The following DDX42 variants were observed in gnomAD, a reference collection of about 807,000 sequenced individuals.
DDX42 encodes ATP-dependent RNA helicase DDX42.
DDX42 carries 22 observed loss-of-function variants against 101.5 expected under a neutral mutation model. The ratio of observed to expected loss-of-function variants is 0.22; its 90% confidence interval spans 0.15 to 0.31. The LOEUF is 0.31. Ranked by LOEUF, DDX42 falls within the 10% of genes least tolerant of loss-of-function variation. The probability of loss-of-function intolerance (pLI) is 1.00; values close to 1 mark genes in which losing one functional copy is unlikely to be tolerated. For synonymous variants in DDX42, 402 were observed against 401.2 expected (o/e 1.00, Z -0.02); for missense variants, 849 against 1,199.9 (o/e 0.71, Z 4.32).
At chr17:63,792,389 C>T (rs375339256) in intron 2 of DDX42, 23 bp from the exon 3 acceptor site, 1 of 1,605,196 alleles carries the variant, frequency 6.2e-7, no homozygotes, top group Non-Finnish European at 8.5e-7. Flanking sequence ...ATTCACTTTA[C>T]CAGTTTGCTT....
intron 1 of DDX42, among the ~76,000 whole-genome samples, chr17:63,781,838 G>A (rs1023018068): frequency 8.1e-5 from 11 of 136,272 alleles, no homozygotes; most frequent in South Asian, 6.7e-4. Context: ...GTGAAACCCC[G>A]TCTCTACTAA....
At position 63,818,934 on chromosome 17, in the gene DDX42, G is replaced by A. The variant is rs1196870144; in HGVS notation, c.*536G>A. On this transcript the variant is annotated 3_prime_UTR_variant, in exon 18 of 18. Coordinates refer to ENST00000389924, the MANE Select transcript of DDX42 (RefSeq NM_203499.3). ...GAGTTGATGCTCAGGTCCCCAGCCA[G>A]GTTTGCATCCAGCCCTGAGACATGT... is the stretch of plus-strand genomic sequence containing the variant. 6.5e-6 allele frequency: 1 copy of A among 154,880 alleles called. No homozygotes were observed. Among genetic ancestry groups the A allele is most frequent in the African/African-American group, 2.4e-5 (1 of 41,416 alleles). 9.6% of individuals were successfully genotyped at this position (154,880 alleles called of 1,614,324 possible).
chr17:63,818,317 G>A lies in DDX42; in HGVS notation c.2736G>A (p.Val912=), dbSNP rs540296784. ...TGGACAGCAGCAAGATGGACAAGGT[G>A]GACAGCAAGACAGATAAGACAGCTG... The part of the protein sequence containing the change: ...PKVDSSKMDK[V]DSKTDKTADG... The change falls in exon 18 of 18, where the codon GTG becomes GTA. Residue 912 remains valine (V), a synonymous_variant. Transcript: ENST00000389924. The A allele has an allele frequency of 1.9e-6, 3 of 1,614,126 alleles. No homozygotes were observed. Among genetic ancestry groups the A allele is most frequent in the African/African-American group, 2.7e-5 (2 of 75,050 alleles).
At chr17:63,795,583 T>A (rs1166932447) in intron 3 of DDX42, among the ~76,000 whole-genome samples, 1 of 152,206 alleles carries the variant, frequency 6.6e-6, no homozygotes, top group East Asian at 1.9e-4. Flanking sequence ...CTCTCCACCT[T>A]GGCCTCTCAG....
At chr17:63,807,975 G>A (rs2039862584) in intron 9 of DDX42, 75 bp downstream of exon 9, 2 of 1,441,518 alleles carry the variant, frequency 1.4e-6, no homozygotes, top group South Asian at 2.8e-5. Flanking sequence ...GAGGTAGAAT[G>A]ACCAGGAAAC....
At chr17:63,786,076 C>T (rs748520941) in intron 1 of DDX42, among the ~76,000 whole-genome samples, 11 of 152,178 alleles carry the variant, frequency 7.2e-5, no homozygotes, top group Non-Finnish European at 1.6e-4. Flanking sequence ...TGTTAATTAG[C>T]AGGCAAATCC....
chr17:63,792,316 A>G (rs1047910363), intron 2 of DDX42, 96 bp from the exon 3 acceptor site: 6 of 1,343,020 alleles, frequency 4.5e-6, no homozygotes, highest in African/African-American at 4.4e-5. Context: ...ACATCTCCTA[A>G]TAATAAGATA....
chr17:63,817,113 C>G (rs1020940936), intron 17 of DDX42, 147 bp downstream of exon 17: 2 of 617,162 alleles, frequency 3.2e-6, no homozygotes, highest in African/African-American at 3.7e-5. Context: ...GAATATAAAC[C>G]TAACAGTAGC....
chr17:63,795,317 A>C (rs750438501), intron 3 of DDX42, among the ~76,000 whole-genome samples: 4 of 152,138 alleles, frequency 2.6e-5, no homozygotes, highest in Non-Finnish European at 5.9e-5. Flanking sequence ...CCTTGAGGCC[A>C]CTGTTTATAG....
intron 2 of DDX42, among the ~76,000 whole-genome samples, chr17:63,792,155 G>C (rs1214490530): frequency 6.6e-6 from 1 of 151,818 alleles, no homozygotes; most frequent in Non-Finnish European, 1.5e-5. Context: ...CCTTTTAACA[G>C]AACTGGGAGC....
At chr17:63,788,629 A>G (rs189709816) in intron 2 of DDX42, among the ~76,000 whole-genome samples, 13 of 152,206 alleles carry the variant, frequency 8.5e-5, no homozygotes, top group Admixed American at 7.9e-4. Flanking sequence ...CTTCAAAACT[A>G]GTATGTTGGA....
At position 63,791,469 on chromosome 17, in the gene DDX42, G is replaced by A. The variant is rs144193953; in HGVS notation, c.222-943G>A. Among the ~76,000 whole-genome samples, 1,227 of 152,140 alleles carry A rather than the reference G, an allele frequency of 8.1e-3. 20 individuals carry two copies. The highest frequency in any genetic ancestry group is 0.028 in the African/African-American group (1,157 of 41,492). ...TGGGATTACGGGCATGTGCAACCAT[G>A]CCTGGCTAATTTTGTATTTTTAGTA... On this transcript the variant is annotated intron_variant, in intron 2 of 17. Coordinates refer to ENST00000389924, the MANE Select transcript of DDX42 (RefSeq NM_203499.3).
At chr17:63,811,288 C>A (rs2039907224) in intron 13 of DDX42, 115 bp downstream of exon 13, 1 of 784,108 alleles carries the variant, frequency 1.3e-6, no homozygotes, top group South Asian at 2.5e-5. Context: ...TTTATAGATG[C>A]AACATGCTTG....
At chr17:63,783,319 T>C (rs746314347) in intron 1 of DDX42, among the ~76,000 whole-genome samples, 12 of 152,226 alleles carry the variant, frequency 7.9e-5, no homozygotes, top group Non-Finnish European at 1.6e-4. Flanking sequence ...TAGGAGATTG[T>C]GTGATTCTTA....
intron 6 of DDX42, among the ~76,000 whole-genome samples, chr17:63,802,900 C>G (rs1183416904): frequency 2.5e-5 from 3 of 120,420 alleles, no homozygotes; most frequent in Admixed American, 2.5e-4. Flanking sequence ...ATAAGAACAA[C>G]ACTCCATCTC....
In DDX42 at chr17:63,792,326, A is replaced by G. The variant is rs2039638089; in HGVS notation, c.222-86A>G. The G allele has an allele frequency of 7.0e-6, 10 of 1,421,194 alleles. No individual in the cohort carries two copies. In the Admixed American group the frequency reaches 2.0e-4, roughly 28 times the overall value. 88.0% of individuals were successfully genotyped at this position (1,421,194 alleles called of 1,614,324 possible). ...GCATTACATCTCCTAATAATAAGATATACCATAATAAAAATGTTGTTAAAT... is the reference window on the plus strand; with the variant it reads ...GCATTACATCTCCTAATAATAAGATGTACCATAATAAAAATGTTGTTAAAT... On this transcript the variant is annotated intron_variant, in intron 2 of 17. Transcript: ENST00000389924.
chr17:63,799,924 G>C (rs946099482), intron 5 of DDX42, among the ~76,000 whole-genome samples: 3 of 152,208 alleles, frequency 2.0e-5, no homozygotes, highest in Admixed American at 1.3e-4. Flanking sequence ...TCAAGTGGTA[G>C]AGTAGTGTGG....
At chr17:63,805,214 T>C (rs2039824059) in intron 7 of DDX42, 39 bp downstream of exon 7, 14 of 1,596,550 alleles carry the variant, frequency 8.8e-6, no homozygotes, top group African/African-American at 1.4e-5. Flanking sequence ...ATATTAATGT[T>C]AATTAGTCCA....
chr17:63,790,817 G>A (rs990905154), intron 2 of DDX42, among the ~76,000 whole-genome samples: 30 of 152,140 alleles, frequency 2.0e-4, no homozygotes, highest in African/African-American at 7.0e-4. Flanking sequence ...TGTAATGCCA[G>A]CTATTTGGGA....
Sources: gnomAD v4.1 joint callset for allele counts (sites outside exome capture counted in the v4.1 genomes callset) on GRCh38, gnomAD v4.1.1 for gene constraint, MANE v1.5 for transcripts, NCBI Gene and HGNC (gene_info 2026-07-23, HGNC 2026-07-21) for gene names.